MBP: variants seen among roughly 807,000 people sequenced by gnomAD.
MBP encodes the protein Golli-MBP.
Under a neutral mutation model 35.8 loss-of-function variants are expected in MBP, and 16 were observed. The ratio of observed to expected loss-of-function variants is 0.45; its 90% CI spans 0.30 to 0.68. The LOEUF is 0.68. MBP is among the 30% of genes least tolerant of loss of function. The pLI, the probability that MBP is intolerant of heterozygous loss-of-function variation, is 0.08. For missense variants in MBP, 380 were observed against 404.7 expected (o/e 0.94, Z 0.52); for synonymous variants, 143 against 159.6 (o/e 0.90, Z 0.78).
chr18:77,049,652 A>G (rs1973401358), intron 3 of MBP, among the ~76,000 whole-genome samples: 1 of 152,090 alleles, frequency 6.6e-6, no homozygotes, highest in African/African-American at 2.4e-5. Context: ...ATCATTGGAT[A>G]TGGATAACTA....
chr18:77,031,901 A>G (rs1339542544), intron 3 of MBP, among the ~76,000 whole-genome samples: 1 of 152,204 alleles, frequency 6.6e-6, no homozygotes, highest in Admixed American at 6.5e-5. Context: ...GCTTTTGTCG[A>G]GCACTCAGCT....
chr18:77,117,242 T>C (rs1238642245), intron 1 of MBP, among the ~76,000 whole-genome samples: 1 of 152,230 alleles, frequency 6.6e-6, no homozygotes, highest in Admixed American at 6.5e-5. Flanking sequence ...AACTCTGTTA[T>C]TAAAAATGGC....
At chr18:77,067,127 T>C (rs1340802098) in intron 2 of MBP, among the ~76,000 whole-genome samples, 1 of 152,256 alleles carries the variant, frequency 6.6e-6, no homozygotes, top group African/African-American at 2.4e-5. Context: ...TTTTGAAATG[T>C]CACACTTGCA....
rs139486660 is a variant in MBP at position 77,053,457 on chromosome 18, G to T, written c.139+12841C>A. On this transcript the variant is annotated intron_variant, in intron 3 of 8. Coordinates refer to ENST00000355994, the MANE Select transcript of MBP (RefSeq NM_001025101.2). ...CTCACCCTAATTCCAAAGAACAAAAGCATCTCTCGAGTTCCAGGGACATTT... is the reference window on the plus strand; with the variant it reads ...CTCACCCTAATTCCAAAGAACAAAATCATCTCTCGAGTTCCAGGGACATTT... Among the ~76,000 whole-genome samples, 6 of 152,374 alleles carry T rather than the reference G, an allele frequency of 3.9e-5. No homozygotes were observed. The East Asian group carries it at 9.6e-4, about 24-fold the overall frequency.
chr18:77,040,073 A>T (rs1043432075), intron 3 of MBP, among the ~76,000 whole-genome samples: 1 of 152,244 alleles, frequency 6.6e-6, no homozygotes, highest in African/African-American at 2.4e-5. Flanking sequence ...ACAGTTACCT[A>T]AACGAATATG....
chr18:77,065,368 G>C (rs1411312780), intron 3 of MBP, among the ~76,000 whole-genome samples: 2 of 152,034 alleles, frequency 1.3e-5, no homozygotes, highest in Admixed American at 1.3e-4. Flanking sequence ...CTCATCAGGG[G>C]CCCCACCCCA....
chr18:76,984,115 C>A (rs1416864714), intron 8 of MBP: 2 of 152,228 alleles, frequency 1.3e-5, no homozygotes, highest in Admixed American at 6.5e-5. Context: ...TTCTGGGTGA[C>A]GTTTAACAAT....
At chr18:77,038,092 T>C (rs1972848351) in intron 3 of MBP, among the ~76,000 whole-genome samples, 1 of 152,210 alleles carries the variant, frequency 6.6e-6, no homozygotes. Context: ...CAGCGACTAC[T>C]AAGATAGAAG....
chr18:77,053,096 C>T (rs1309776226), intron 3 of MBP, among the ~76,000 whole-genome samples: 1 of 152,242 alleles, frequency 6.6e-6, no homozygotes, highest in African/African-American at 2.4e-5. Context: ...GATAGGCCAG[C>T]GTGGCTGTCC....
intron 4 of MBP, chr18:77,014,415 G>C: frequency 8.1e-6 from 8 of 985,462 alleles, no homozygotes; most frequent in Non-Finnish European, 8.4e-6. Flanking sequence ...GTTCTAGATA[G>C]GGAGAAGCAG....
chr18:77,012,586 G>A (rs547735970), intron 4 of MBP, among the ~76,000 whole-genome samples: 1 of 152,198 alleles, frequency 6.6e-6, no homozygotes, highest in East Asian at 1.9e-4. Context: ...AGAGAAGACA[G>A]TAAAATGTCT....
intron 3 of MBP, among the ~76,000 whole-genome samples, chr18:77,025,534 G>A (rs1408740399): frequency 1.3e-5 from 2 of 152,084 alleles, no homozygotes; most frequent in Non-Finnish European, 2.9e-5. Context: ...GTCTGTCCGA[G>A]TGTTACCTCC....
intron 2 of MBP, among the ~76,000 whole-genome samples, chr18:77,088,424 G>A (rs761712134): frequency 1.3e-5 from 2 of 152,168 alleles, no homozygotes; most frequent in Non-Finnish European, 2.9e-5. Flanking sequence ...AGGTACCAAC[G>A]TATGACTGTT....
chr18:77,114,437 A>G (rs1465271822), intron 1 of MBP: 1 of 152,070 alleles, frequency 6.6e-6, no homozygotes, highest in East Asian at 1.9e-4. Context: ...TGAAGCGGGG[A>G]AAAAAAGGCA....
At chr18:77,068,944 TG>T in intron 2 of MBP, 1 of 461,816 alleles carries the variant, frequency 2.2e-6, no homozygotes, top group Admixed American at 2.3e-5. Context: ...AGCTGAGCCT[TG>T]GGGGCCTCAC....
chr18:77,127,565 A>T (rs1977092645), intron 1 of MBP: 1 of 152,212 alleles, frequency 6.6e-6, no homozygotes, highest in Non-Finnish European at 1.5e-5. Flanking sequence ...CAAAATGTAA[A>T]ACTTTCTGCA....
intron 3 of MBP, among the ~76,000 whole-genome samples, chr18:77,022,981 T>A (rs531643813): frequency 4.6e-5 from 7 of 152,290 alleles, no homozygotes; most frequent in Admixed American, 1.3e-4. Flanking sequence ...TAGTGAAACA[T>A]GCAGATCTAC....
chr18:77,060,469 ATG>A (rs1973934199), intron 3 of MBP, among the ~76,000 whole-genome samples: 1 of 18,916 alleles, frequency 5.3e-5, no homozygotes, highest in African/African-American at 4.3e-4. Flanking sequence ...TTTTTTTTTT[ATG>A]AGGCGGAGTT....
chr18:77,111,569 G>C (rs1214295662), intron 1 of MBP, among the ~76,000 whole-genome samples: 1 of 152,234 alleles, frequency 6.6e-6, no homozygotes, highest in African/African-American at 2.4e-5. Context: ...GTGAGCCCTG[G>C]GCAGGTCCAC....
Sources: allele counts gnomAD v4.1 joint callset (sites outside exome capture counted in the v4.1 genomes callset), GRCh38; gene constraint gnomAD v4.1.1; transcripts MANE v1.5; gene names NCBI Gene and HGNC (gene_info 2026-07-23, HGNC 2026-07-21).